The following CRB1 variants were observed in gnomAD, a reference collection of about 807,000 sequenced individuals.
The protein encoded by CRB1 is crumbs cell polarity complex component 1, also known as protein crumbs homolog 1.
A neutral mutation model predicts 120.0 loss-of-function variants in CRB1; 83 were observed. The ratio of observed to expected loss-of-function variants is 0.69; its 90% confidence interval spans 0.58 to 0.83. The LOEUF is 0.83. Among genes scored for constraint, CRB1 ranks in the 40% least tolerant of loss-of-function variants. The pLI, the probability that CRB1 is intolerant of heterozygous loss-of-function variation, is 0.00. For missense variants in CRB1, 1,699 were observed against 1,687.6 expected, an observed-to-expected ratio of 1.01 and a Z score of -0.12; for synonymous variants, 625 against 612.5, an observed-to-expected ratio of 1.02 and a Z score of -0.30.
chr1:197,264,735 T>C (rs1487511750), upstream of CRB1, among the ~76,000 whole-genome samples: 1 of 151,436 alleles, frequency 6.6e-6, no homozygotes, highest in South Asian at 2.1e-4. Flanking sequence ...GATTCTTGTG[T>C]CTCAGCCTCC....
At chr1:197,354,123 T>C (rs919644195) in intron 4 of CRB1, among the ~76,000 whole-genome samples, 10 of 152,046 alleles carry the variant, frequency 6.6e-5, no homozygotes, top group African/African-American at 2.4e-4. Context: ...AACCAGCTGG[T>C]AAAATTTATA....
intron 11 of CRB1, among the ~76,000 whole-genome samples, chr1:197,475,912 T>G (rs1254690116): frequency 1.3e-5 from 2 of 152,018 alleles, no homozygotes; most frequent in Admixed American, 6.6e-5. Context: ...TTATGTTTTG[T>G]TTTTGTTTTT....
chr1:197,449,918 C>T (rs1418236994), intron 11 of CRB1, among the ~76,000 whole-genome samples: 2 of 152,198 alleles, frequency 1.3e-5, no homozygotes, highest in African/African-American at 4.8e-5. Flanking sequence ...CCTTCACTTT[C>T]TAGCTGCTGT....
intron 5 of CRB1, chr1:197,357,794 CTT>C (rs1660567448): frequency 6.6e-6 from 1 of 152,266 alleles, no homozygotes; most frequent in African/African-American, 2.4e-5. Context: ...TCTATTTACA[CTT>C]AGGATTCTCT....
chr1:197,457,198 C>T (rs542688192), intron 11 of CRB1, among the ~76,000 whole-genome samples: 2 of 152,004 alleles, frequency 1.3e-5, no homozygotes, highest in Non-Finnish European at 1.5e-5. Context: ...ATCCTAAGTA[C>T]GCCTCTATCA....
In CRB1 at chr1:197,418,920, A is replaced by G. The variant is rs1169094586; in HGVS notation, c.1172-2080A>G. 4.6e-5 allele frequency among the ~76,000 whole-genome samples: 7 copies of G among 152,198 alleles called. No homozygotes were observed. In the East Asian group the frequency reaches 1.3e-3, roughly 29 times the overall value. On this transcript the variant is annotated intron_variant, in intron 5 of 11. Transcript: ENST00000367400. ...AATTACGCAATTTACAGGACACTAC[A>G]CATGCCCACACTTTCTAAATAGTCT...
chr1:197,308,332 G>C (rs979388391), intron 1 of CRB1, among the ~76,000 whole-genome samples: 12 of 152,156 alleles, frequency 7.9e-5, no homozygotes, highest in African/African-American at 2.9e-4. Context: ...TACTCACTAT[G>C]TAGGTGATGG....
the CRB1 span, among the ~76,000 whole-genome samples, chr1:197,221,278 T>G: frequency 1.3e-5 from 2 of 152,176 alleles, no homozygotes; most frequent in African/African-American, 4.8e-5. Context: ...TGCCACTGAT[T>G]CATAAGAAAC....
the CRB1 span, among the ~76,000 whole-genome samples, chr1:197,204,150 A>G: frequency 6.6e-6 from 1 of 152,228 alleles, no homozygotes; most frequent in African/African-American, 2.4e-5. Flanking sequence ...GTAGTAATCC[A>G]TAATATATAT....
chr1:197,294,548 A>G (rs1656399112), intron 1 of CRB1, among the ~76,000 whole-genome samples: 3 of 152,136 alleles, frequency 2.0e-5, no homozygotes, highest in Admixed American at 2.0e-4. Flanking sequence ...CAGCCATCCC[A>G]TTACTGAGTA....
chr1:197,441,862 T>C (rs1665459497), intron 10 of CRB1: 2 of 380,408 alleles, frequency 5.3e-6, no homozygotes, highest in Non-Finnish European at 9.9e-6. Flanking sequence ...TCTTGAGCAT[T>C]GACACTGGTG....
At chr1:197,360,347 A>C (rs1660707451) in intron 5 of CRB1, 3 of 152,240 alleles carry the variant, frequency 2.0e-5, no homozygotes, top group Admixed American at 1.3e-4. Context: ...GGAGGGCAAA[A>C]GGTTCTTCTG....
chr1:197,229,891 TAGA>T, the CRB1 span, among the ~76,000 whole-genome samples: 2 of 152,180 alleles, frequency 1.3e-5, no homozygotes, highest in Admixed American at 1.3e-4. Flanking sequence ...CGCTCTTGAT[TAGA>T]AGATGACCAA....
intron 1 of CRB1, among the ~76,000 whole-genome samples, chr1:197,314,935 C>T (rs949195735): frequency 2.0e-5 from 3 of 152,178 alleles, no homozygotes; most frequent in Non-Finnish European, 4.4e-5. Flanking sequence ...CTGAGTGGCT[C>T]TTTCTTCTCT....
At chr1:197,337,685 G>A (rs1171056223) in intron 2 of CRB1, among the ~76,000 whole-genome samples, 1 of 151,918 alleles carries the variant, frequency 6.6e-6, no homozygotes, top group Non-Finnish European at 1.5e-5. Flanking sequence ...TATTTGAATT[G>A]CATTCAAGTA....
chr1:197,224,902 C>CCT, the CRB1 span, among the ~76,000 whole-genome samples: 1 of 151,780 alleles, frequency 6.6e-6, no homozygotes, highest in Non-Finnish European at 1.5e-5. Flanking sequence ...AACAAACTTT[C>CCT]TTTTATTATA....
chr1:197,361,114 G>T (rs193211179), intron 5 of CRB1, among the ~76,000 whole-genome samples: 2 of 151,104 alleles, frequency 1.3e-5, no homozygotes, highest in Admixed American at 1.3e-4. Context: ...CCCACTTGGT[G>T]TATTTTTTTT....
chr1:197,430,669 CTTTATT>C (rs929946914), intron 8 of CRB1, among the ~76,000 whole-genome samples: 5 of 152,130 alleles, frequency 3.3e-5, no homozygotes, highest in East Asian at 1.9e-4. Flanking sequence ...TCCAACTTGG[CTTTATT>C]TTTATTTTTA....
the CRB1 span, among the ~76,000 whole-genome samples, chr1:197,251,738 T>C: frequency 1.2e-4 from 18 of 151,970 alleles, no homozygotes; most frequent in African/African-American, 4.3e-4. Flanking sequence ...TTCAGTGCAA[T>C]ATGGGCTTTC....
Sources: allele counts gnomAD v4.1 joint callset (sites outside exome capture counted in the v4.1 genomes callset), GRCh38; gene constraint gnomAD v4.1.1; transcripts MANE v1.5; gene names NCBI Gene and HGNC (gene_info 2026-07-23, HGNC 2026-07-21).